Variants in PLCG2 observed in about 807,000 individuals in gnomAD.
PLCG2 encodes the protein 1-phosphatidylinositol 4,5-bisphosphate phosphodiesterase gamma-2.
In PLCG2, 69 loss-of-function variants were observed where a neutral mutation model predicts 175.6. That is an observed-to-expected ratio of 0.39 (90% CI 0.32 to 0.48). The LOEUF is 0.48. Ranked by LOEUF, PLCG2 falls within the 20% of genes least tolerant of loss-of-function variation. The probability of loss-of-function intolerance (pLI) is 0.91; values close to 1 mark genes in which losing one functional copy is unlikely to be tolerated. For missense variants in PLCG2, 1,798 were observed against 1,650.9 expected, an observed-to-expected ratio of 1.09 and a Z score of -1.54; for synonymous variants, 827 against 624.0, an observed-to-expected ratio of 1.33 and a Z score of -4.85.
intron 2 of PLCG2, among the ~76,000 whole-genome samples, chr16:81,825,414 A>G (rs947540523): frequency 6.6e-6 from 1 of 150,964 alleles, no homozygotes; most frequent in Non-Finnish European, 1.5e-5. Context: ...TCAGCTTCCC[A>G]AGTAGCTGGG....
chr16:81,896,914 C>T (rs1002468037), intron 13 of PLCG2, among the ~76,000 whole-genome samples: 2 of 152,204 alleles, frequency 1.3e-5, no homozygotes, highest in Admixed American at 6.5e-5. Context: ...TTTCTGACCT[C>T]AGGTGTAATC....
chr16:81,928,729 G>C (rs1910381757), intron 24 of PLCG2, 105 bp downstream of exon 24: 3 of 753,704 alleles, frequency 4.0e-6, no homozygotes, highest in Non-Finnish European at 7.3e-6. Flanking sequence ...GTCCTGTCTT[G>C]AATGCCAGCT....
chr16:81,860,421 T>C (rs1906924075), intron 5 of PLCG2, among the ~76,000 whole-genome samples: 1 of 152,082 alleles, frequency 6.6e-6, no homozygotes, highest in Non-Finnish European at 1.5e-5. Context: ...CAGAAACGAA[T>C]ACCAGCAGCA....
At chr16:81,916,236 G>T (rs918655744) in intron 19 of PLCG2, among the ~76,000 whole-genome samples, 1 of 149,474 alleles carries the variant, frequency 6.7e-6, no homozygotes. Context: ...ACTTTTTGAC[G>T]AAATCGCTTA....
chr16:81,752,908 G>T (rs377232301), intron 1 of PLCG2, among the ~76,000 whole-genome samples: 1 of 152,240 alleles, frequency 6.6e-6, no homozygotes, highest in African/African-American at 2.4e-5. Context: ...TCAACTCGGG[G>T]CTTTGGGCAG....
chr16:81,806,026 T>G (rs1260870007), intron 2 of PLCG2, among the ~76,000 whole-genome samples: 1 of 152,074 alleles, frequency 6.6e-6, no homozygotes, highest in Non-Finnish European at 1.5e-5. Context: ...TTTATTTAAC[T>G]CAGTATATCC....
Position 81,927,145 on chromosome 16 carries a change from C to T in PLCG2, c.2481C>T (p.Ile827=), listed in dbSNP as rs762062393. The T allele has an allele frequency of 6.2e-7, 1 of 1,613,588 alleles. No individual in the cohort carries two copies. Among genetic ancestry groups the T allele is most frequent in the Non-Finnish European group, 8.5e-7 (1 of 1,179,454 alleles). Residue 827 remains isoleucine, a synonymous_variant, in exon 23 of 33, where the codon ATC becomes ATT. Transcript: ENST00000564138. ...QYFPSNYVED[I]STADFEELEK... ...TCCCATCCAACTACGTCGAGGACAT[C>T]TCAACTGCAGACTTCGAGGAGCTAG...
chr16:81,933,094 G>A (rs897310278), intron 25 of PLCG2, among the ~76,000 whole-genome samples: 4 of 152,224 alleles, frequency 2.6e-5, no homozygotes, highest in Admixed American at 1.3e-4. Flanking sequence ...CTCTCCTGCC[G>A]CGTGAAGGTT....
intron 2 of PLCG2, among the ~76,000 whole-genome samples, chr16:81,813,938 T>C (rs559978897): frequency 7.2e-5 from 11 of 152,322 alleles, no homozygotes; most frequent in East Asian, 3.9e-4. Context: ...AGATTCTACC[T>C]GTTGATGGGA....
At chr16:81,825,598 G>C (rs940928882) in intron 2 of PLCG2, among the ~76,000 whole-genome samples, 2 of 152,206 alleles carry the variant, frequency 1.3e-5, no homozygotes, top group Non-Finnish European at 2.9e-5. Flanking sequence ...CCCAGCCCGA[G>C]ATGCTCTAAT....
chr16:81,832,055 G>A (rs1396083437), intron 2 of PLCG2, among the ~76,000 whole-genome samples: 1 of 152,012 alleles, frequency 6.6e-6, no homozygotes, highest in Non-Finnish European at 1.5e-5. Flanking sequence ...ACAGTTACCA[G>A]CAGTGGGCTT....
At chr16:81,885,085 T>C (rs1908291288) in intron 9 of PLCG2, among the ~76,000 whole-genome samples, 1 of 150,614 alleles carries the variant, frequency 6.6e-6, no homozygotes, top group Non-Finnish European at 1.5e-5. Flanking sequence ...AGAGTCTTGC[T>C]CTGTCACCAG....
Position 81,962,307 on chromosome 16 carries a change from G to A in PLCG2, c.*4309G>A, listed in dbSNP as rs534870233. 17 of 200,044 alleles carry A rather than the reference G, an allele frequency of 8.5e-5. No homozygotes were observed. The highest frequency in any genetic ancestry group is 2.3e-4 in the East Asian group (3 of 12,794). The allele number at this position is 200,044 out of a possible 1,614,324, so 12.4% of individuals were successfully genotyped here. On this transcript the variant is annotated 3_prime_UTR_variant, in exon 33 of 33. Coordinates refer to ENST00000564138, the MANE Select transcript of PLCG2 (RefSeq NM_002661.5). ...GACATTTAACTTTTTGAACCCAACC[G>A]TAAAAGCTATCTTCTAACCAACAAA...
intron 2 of PLCG2, among the ~76,000 whole-genome samples, chr16:81,790,817 G>A (rs895665492): frequency 1.6e-4 from 25 of 152,196 alleles, no homozygotes; most frequent in Middle Eastern, 3.4e-3. Context: ...GTCTGGAGAC[G>A]TGTTGATTTT....
At chr16:81,887,631 T>C (rs1372316897) in intron 9 of PLCG2, among the ~76,000 whole-genome samples, 1 of 152,226 alleles carries the variant, frequency 6.6e-6, no homozygotes, top group African/African-American at 2.4e-5. Flanking sequence ...GATTTGTGTC[T>C]GTTCTTCTAT....
At chr16:81,783,221 A>G (rs771631204) in intron 1 of PLCG2, 14 of 454,768 alleles carry the variant, frequency 3.1e-5, no homozygotes, top group Non-Finnish European at 5.3e-5. Context: ...TCCAGGATGC[A>G]TGGCTGGGAA....
At chr16:81,786,271 G>A in intron 2 of PLCG2, 89 bp downstream of exon 2, 2 of 1,060,184 alleles carry the variant, frequency 1.9e-6, no homozygotes, top group East Asian at 5.1e-5. Flanking sequence ...TCATTACTGT[G>A]ATTGTTGTTG....
rs769386987 is a variant in PLCG2 at position 81,910,516 on chromosome 16, G to C, written c.1734-4G>C. 1.9e-6 allele frequency: 3 copies of C among 1,613,490 alleles called. No homozygotes were observed. In the East Asian group the frequency reaches 6.7e-5, roughly 36 times the overall value. ...CCAGCACTGATGGCGTCCTCTCCCCGCAGGCGGTCAGGCCGGGTCCAGCAC... is the reference window on the plus strand; with the variant it reads ...CCAGCACTGATGGCGTCCTCTCCCCCCAGGCGGTCAGGCCGGGTCCAGCAC... On this transcript the variant is annotated splice_polypyrimidine_tract_variant and splice_region_variant and intron_variant, in intron 17 of 32. Transcript: ENST00000564138.
chr16:81,809,416 A>G (rs1334098829), intron 2 of PLCG2, among the ~76,000 whole-genome samples: 1 of 152,074 alleles, frequency 6.6e-6, no homozygotes, highest in African/African-American at 2.4e-5. Flanking sequence ...TCCCCAATGG[A>G]CTTCGGCTCT....
Sources: allele counts gnomAD v4.1 joint callset (sites outside exome capture counted in the v4.1 genomes callset), GRCh38; gene constraint gnomAD v4.1.1; transcripts MANE v1.5; gene names NCBI Gene and HGNC (gene_info 2026-07-23, HGNC 2026-07-21).